TLN2: variants seen among roughly 807,000 people sequenced by gnomAD.
The protein encoded by TLN2 is talin 2.
A neutral mutation model predicts 294.7 loss-of-function variants in TLN2; 118 were observed. That is an observed-to-expected ratio of 0.40 (90% CI 0.34 to 0.47). TLN2 has a LOEUF of 0.47. Among genes scored for constraint, TLN2 ranks in the 20% least tolerant of loss-of-function variants. The pLI is 0.84. For synonymous variants in TLN2, 1,431 were observed against 1,304.5 expected (o/e 1.10, Z -2.09); for missense variants, 3,083 against 3,282.2 (o/e 0.94, Z 1.48).
intron 52 of TLN2, among the ~76,000 whole-genome samples, chr15:62,812,943 C>G (rs937425): frequency 0.67 from 102,302 of 152,144 alleles, 36,379 homozygotes; most frequent in Non-Finnish European, 0.79. Context: ...GTCGCTATGT[C>G]AACATCAGCC....
At chr15:62,713,336 T>C (rs1375512786) in intron 22 of TLN2, among the ~76,000 whole-genome samples, 2 of 150,760 alleles carry the variant, frequency 1.3e-5, no homozygotes, top group Non-Finnish European at 3.0e-5. Context: ...CTCATCTCCC[T>C]GGCTTTGGGA....
At chr15:62,566,507 T>A (rs1190648370) in intron 1 of TLN2, among the ~76,000 whole-genome samples, 1 of 151,272 alleles carries the variant, frequency 6.6e-6, no homozygotes, top group Non-Finnish European at 1.5e-5. Context: ...GGGATGTGCA[T>A]GGGGTATAGG....
At chr15:62,681,535 T>C (rs1486721450) in intron 11 of TLN2, among the ~76,000 whole-genome samples, 2 of 152,350 alleles carry the variant, frequency 1.3e-5, no homozygotes, top group African/African-American at 4.8e-5. Context: ...TTAAATTTTA[T>C]GTCATTGTAA....
rs72755840 is a variant in TLN2 at position 62,647,218 on chromosome 15, T to C, written c.-36-57T>C. Reference sequence around the variant, plus strand: ...AGTCCAGCACTTTTTTTGTTTTTTTTTCCCCAAGACAAATTATTATCGTGA... The same window carrying C: ...AGTCCAGCACTTTTTTTGTTTTTTTCTCCCCAAGACAAATTATTATCGTGA... On this transcript the variant is annotated intron_variant, in intron 3 of 58. Transcript: ENST00000636159. The C allele has an allele frequency of 4.4e-3, 6,563 of 1,482,056 alleles. 8 individuals carry two copies. Among genetic ancestry groups the C allele is most frequent in the Non-Finnish European group, 5.3e-3 (5,924 of 1,108,684 alleles). 91.8% of individuals were successfully genotyped at this position (1,482,056 alleles called of 1,614,324 possible). A position where few individuals can be genotyped will look rare whatever the true frequency, so the allele number is the denominator to read the frequency against.
At chr15:62,670,556 T>C (rs1424625387) in intron 9 of TLN2, among the ~76,000 whole-genome samples, 1 of 152,204 alleles carries the variant, frequency 6.6e-6, no homozygotes, top group African/African-American at 2.4e-5. Context: ...GGAATCTCTC[T>C]TTTTTTCTTA....
At chr15:62,573,789 T>A (rs116387363) in intron 1 of TLN2, among the ~76,000 whole-genome samples, 26 of 150,680 alleles carry the variant, frequency 1.7e-4, no homozygotes, top group African/African-American at 3.7e-4. Context: ...TTTTTTTTTT[T>A]AAAACAACAG....
chr15:62,481,115 T>C (rs983353474), intron 1 of TLN2, among the ~76,000 whole-genome samples: 10 of 152,218 alleles, frequency 6.6e-5, no homozygotes, highest in Non-Finnish European at 1.3e-4. Context: ...ATCACAATTC[T>C]CTTCCTCATT....
chr15:62,707,875 C>G (rs1209706784), intron 20 of TLN2, among the ~76,000 whole-genome samples: 1 of 151,984 alleles, frequency 6.6e-6, no homozygotes, highest in African/African-American at 2.4e-5. Flanking sequence ...CTTCATGTGT[C>G]CTCTCGGTGA....
chr15:62,630,442 T>A lies in TLN2; in HGVS notation c.-37+11967T>A, dbSNP rs150424885. Among the ~76,000 whole-genome samples the A allele has an allele frequency of 1.3e-3, 198 of 152,304 alleles. 1 individual carries two copies. Among genetic ancestry groups the A allele is most frequent in the African/African-American group, 4.6e-3 (190 of 41,564 alleles). On this transcript the variant is annotated intron_variant, in intron 3 of 58. Coordinates refer to ENST00000636159, the MANE Select transcript of TLN2 (RefSeq NM_015059.3). ...CATCCCACTCTGTTCCCACTGGCCC[T>A]GCGGTCATACTGGTGGGACTTAGCC...
rs1179129051 is a variant in TLN2 at position 62,446,003 on chromosome 15, A to ATTTATT, written c.-238+55334_-238+55339dup. On this transcript the variant is annotated intron_variant, in intron 1 of 58. Transcript: ENST00000636159. ...TCTGTAGTCTTTTTTTTTTGTATAA[A>ATTTATT]TTTATTTTTATTTTTATTTTTTTGA... 2.0e-5 allele frequency among the ~76,000 whole-genome samples: 3 copies of ATTTATT among 150,910 alleles called. No individual in the cohort carries two copies. The South Asian group carries it at 6.3e-4, about 32-fold the overall frequency.
At chr15:62,632,768 A>G (rs1567224606) in intron 3 of TLN2, among the ~76,000 whole-genome samples, 2 of 152,138 alleles carry the variant, frequency 1.3e-5, no homozygotes, top group Non-Finnish European at 2.9e-5. Context: ...TGTGTCCTAG[A>G]TATTTATGTC....
intron 1 of TLN2, among the ~76,000 whole-genome samples, chr15:62,433,083 T>C (rs1334360390): frequency 6.6e-6 from 1 of 152,144 alleles, no homozygotes; most frequent in Non-Finnish European, 1.5e-5. Context: ...AGATGTGTAC[T>C]CCTAGGGAGA....
intron 1 of TLN2, among the ~76,000 whole-genome samples, chr15:62,534,267 A>T (rs2041211728): frequency 6.6e-6 from 1 of 152,180 alleles, no homozygotes; most frequent in Non-Finnish European, 1.5e-5. Context: ...CAGGTCCTAC[A>T]GGTTGATGGC....
chr15:62,486,440 A>C (rs983602317), intron 1 of TLN2, among the ~76,000 whole-genome samples: 2 of 148,406 alleles, frequency 1.3e-5, no homozygotes, highest in African/African-American at 5.0e-5. Context: ...TTTAATCAGG[A>C]ACAGTTCCTT....
intron 54 of TLN2, among the ~76,000 whole-genome samples, chr15:62,825,818 A>T (rs373535680): frequency 0.86 from 63,859 of 74,654 alleles, 28,044 homozygotes; most frequent in Middle Eastern, 0.94. Context: ...TTATATTATA[A>T]TATATATTAT....
chr15:62,567,428 T>G (rs12902838), intron 1 of TLN2, among the ~76,000 whole-genome samples: 2 of 152,110 alleles, frequency 1.3e-5, no homozygotes, highest in Non-Finnish European at 2.9e-5. Flanking sequence ...TGTAAAGCTC[T>G]CTGTGTCATG....
intron 12 of TLN2, among the ~76,000 whole-genome samples, chr15:62,687,388 T>C (rs77812678): frequency 0.014 from 2,142 of 152,330 alleles, 57 homozygotes; most frequent in African/African-American, 0.047. Context: ...CCTACAGAGC[T>C]GCTAGGATTG....
chr15:62,460,260 G>T (rs897213701), intron 1 of TLN2, among the ~76,000 whole-genome samples: 38 of 139,256 alleles, frequency 2.7e-4, no homozygotes, highest in African/African-American at 4.0e-4. Context: ...TAGCCACATG[G>T]TTTTTTTTTT....
intron 22 of TLN2, among the ~76,000 whole-genome samples, chr15:62,713,271 C>A (rs369169702): frequency 4.5e-3 from 504 of 111,378 alleles, no homozygotes; most frequent in South Asian, 5.5e-3. Context: ...ACCTGCGTCT[C>A]AAAAAAAAAA....
Sources: allele counts gnomAD v4.1 joint callset (sites outside exome capture counted in the v4.1 genomes callset), GRCh38; gene constraint gnomAD v4.1.1; transcripts MANE v1.5; gene names NCBI Gene and HGNC (gene_info 2026-07-23, HGNC 2026-07-21).